Variants in ANK3 observed in about 807,000 individuals in gnomAD.
ANK3 encodes the protein ankyrin-3.
Under a neutral mutation model 370.9 loss-of-function variants are expected in ANK3, and 57 were observed. The ratio of observed to expected loss-of-function variants is 0.15; its 90% CI spans 0.12 to 0.19. ANK3 has a LOEUF of 0.19. ANK3 is among the 10% of genes least tolerant of loss of function. ANK3 has a pLI of 1.00. For synonymous variants in ANK3, 1,929 were observed against 1,946.3 expected (o/e 0.99, Z 0.23); for missense variants, 4,439 against 5,302.1 (o/e 0.84, Z 5.06).
At chr10:60,720,975 C>G (rs1365669225) in intron 1 of ANK3, among the ~76,000 whole-genome samples, 1 of 152,096 alleles carries the variant, frequency 6.6e-6, no homozygotes, top group Non-Finnish European at 1.5e-5. Context: ...AAATACCATC[C>G]AACCAAGCAT....
At chr10:60,405,071 G>C (rs1386145466) in intron 2 of ANK3, among the ~76,000 whole-genome samples, 1 of 152,144 alleles carries the variant, frequency 6.6e-6, no homozygotes, top group African/African-American at 2.4e-5. Flanking sequence ...AATACGTTGT[G>C]AGTGGAGGGT....
chr10:60,253,916 A>G (rs995734664), intron 7 of ANK3, among the ~76,000 whole-genome samples: 64 of 152,250 alleles, frequency 4.2e-4, no homozygotes, highest in Admixed American at 2.0e-4. Flanking sequence ...AAAGTCTGCT[A>G]TAAGTGGTTT....
intron 23 of ANK3, chr10:60,144,235 T>C (rs1219761753): frequency 4.5e-6 from 2 of 442,288 alleles, no homozygotes; most frequent in Non-Finnish European, 9.0e-6. Flanking sequence ...AAAACAAAAA[T>C]GAGAAATGAC....
At chr10:60,364,914 C>A (rs1401739936) in intron 1 of ANK3, among the ~76,000 whole-genome samples, 2 of 150,550 alleles carry the variant, frequency 1.3e-5, no homozygotes, top group Non-Finnish European at 3.0e-5. Flanking sequence ...AGGGTAAAGA[C>A]AACATCCACC....
At chr10:60,150,431 T>A (rs2095054470) in intron 23 of ANK3, among the ~76,000 whole-genome samples, 1 of 152,206 alleles carries the variant, frequency 6.6e-6, no homozygotes, top group Non-Finnish European at 1.5e-5. Flanking sequence ...AGGTCTTTAA[T>A]AATCTCCCTG....
chr10:60,405,982 A>G (rs1389018098), intron 2 of ANK3, among the ~76,000 whole-genome samples: 1 of 152,182 alleles, frequency 6.6e-6, no homozygotes, highest in African/African-American at 2.4e-5. Context: ...TTTCATATAC[A>G]ACAGGTTACA....
chr10:60,382,690 T>G (rs1029291265), intron 1 of ANK3, among the ~76,000 whole-genome samples: 1 of 151,842 alleles, frequency 6.6e-6, no homozygotes, highest in Non-Finnish European at 1.5e-5. Flanking sequence ...TGGGCAAAAC[T>G]ATAGCAAATT....
At chr10:60,078,444 G>C (rs190115607) in intron 36 of ANK3, among the ~76,000 whole-genome samples, 174 of 152,242 alleles carry the variant, frequency 1.1e-3, no homozygotes, top group Middle Eastern at 6.8e-3. Context: ...AATGATTTGA[G>C]CTTAGTCTGT....
intron 2 of ANK3, among the ~76,000 whole-genome samples, chr10:60,455,314 G>A (rs1046814839): frequency 1.3e-5 from 2 of 152,084 alleles, no homozygotes; most frequent in African/African-American, 2.4e-5. Context: ...AAACATTCCT[G>A]ATTAATACAG....
intron 1 of ANK3, among the ~76,000 whole-genome samples, chr10:60,717,175 T>C (rs988048452): frequency 1.3e-5 from 2 of 152,210 alleles, no homozygotes; most frequent in Admixed American, 6.5e-5. Context: ...AATAATACCA[T>C]GCTGTGAAAA....
At chr10:60,323,187 ATC>A in intron 1 of ANK3, among the ~76,000 whole-genome samples, 1 of 152,280 alleles carries the variant, frequency 6.6e-6, no homozygotes, top group East Asian at 1.9e-4. Flanking sequence ...CTGGAACTCA[ATC>A]TCTCTGGGGA....
intron 1 of ANK3, among the ~76,000 whole-genome samples, chr10:60,373,523 T>A (rs2060368894): frequency 6.6e-6 from 1 of 152,188 alleles, no homozygotes. Flanking sequence ...ATGGGGAAGA[T>A]GTCACTGTAC....
intron 2 of ANK3, among the ~76,000 whole-genome samples, chr10:60,501,240 C>T (rs756492446): frequency 2.6e-5 from 4 of 152,046 alleles, no homozygotes; most frequent in Non-Finnish European, 4.4e-5. Context: ...AGGAGGAGGA[C>T]GGAATGAAAA....
At chr10:60,684,399 A>T in intron 1 of ANK3, 1 of 621,896 alleles carries the variant, frequency 1.6e-6, no homozygotes, top group Non-Finnish European at 2.7e-6. Context: ...AGTGAAGGGG[A>T]GGGAAGGATG....
At chr10:60,293,427 C>T (rs2041877766) in intron 1 of ANK3, among the ~76,000 whole-genome samples, 2 of 152,178 alleles carry the variant, frequency 1.3e-5, no homozygotes, top group Non-Finnish European at 2.9e-5. Flanking sequence ...CAAAAAAATA[C>T]ATACAATCCT....
intron 14 of ANK3, among the ~76,000 whole-genome samples, chr10:60,196,874 T>C (rs1259788634): frequency 2.6e-5 from 4 of 152,158 alleles, no homozygotes; most frequent in African/African-American, 9.7e-5. Flanking sequence ...ACCTAATCTT[T>C]CTCCCTTCTG....
At chr10:60,122,802 A>T (rs1434321684) in intron 25 of ANK3, among the ~76,000 whole-genome samples, 1 of 152,240 alleles carries the variant, frequency 6.6e-6, no homozygotes, top group African/African-American at 2.4e-5. Context: ...GGTGGAAAAC[A>T]GCAAAAATAA....
At chr10:60,503,524 G>A (rs1278194628) in intron 2 of ANK3, among the ~76,000 whole-genome samples, 3 of 152,110 alleles carry the variant, frequency 2.0e-5, no homozygotes, top group Non-Finnish European at 4.4e-5. Flanking sequence ...ATGAGCAAGA[G>A]GCCACCCAAT....
intron 2 of ANK3, among the ~76,000 whole-genome samples, chr10:60,468,741 G>C (rs10994365): frequency 0.34 from 51,983 of 151,378 alleles, 9,121 homozygotes; most frequent in East Asian, 0.51. Flanking sequence ...TGAGATGATG[G>C]AATGAAAGAA....
Sources: gnomAD v4.1 joint callset for allele counts (sites outside exome capture counted in the v4.1 genomes callset) on GRCh38, gnomAD v4.1.1 for gene constraint, MANE v1.5 for transcripts, NCBI Gene and HGNC (gene_info 2026-07-23, HGNC 2026-07-21) for gene names.